The following OR51B5 variants were observed in gnomAD, a reference collection of about 807,000 sequenced individuals.
OR51B5 encodes olfactory receptor 51B5.
For missense variants in OR51B5, 456 were observed against 374.6 expected (o/e 1.22, Z -1.79); for synonymous variants, 186 against 144.8 (o/e 1.28, Z -2.04).
chr11:5,425,081 G>A (rs1216207947), intron 1 of OR51B5, among the ~76,000 whole-genome samples: 1 of 122,252 alleles, frequency 8.2e-6, no homozygotes, highest in African/African-American at 2.9e-5. Context: ...TTCTCTGCTA[G>A]AGCCTAAAAG....
At chr11:5,349,782 G>C (rs1204576002) in intron 1 of OR51B5, among the ~76,000 whole-genome samples, 1 of 152,074 alleles carries the variant, frequency 6.6e-6, no homozygotes, top group Admixed American at 6.6e-5. Flanking sequence ...TGAGGACAGA[G>C]TTGCTTTCCC....
intron 1 of OR51B5, among the ~76,000 whole-genome samples, chr11:5,376,792 A>G (rs565386306): frequency 5.3e-5 from 8 of 151,710 alleles, no homozygotes; most frequent in African/African-American, 1.9e-4. Context: ...GACCAATAAC[A>G]GGATCTGAAA....
At chr11:5,468,693 A>C (rs1261888008) in intron 1 of OR51B5, 2 of 456,560 alleles carry the variant, frequency 4.4e-6, no homozygotes, top group Non-Finnish European at 8.8e-6. Flanking sequence ...TGTGACACAC[A>C]TGTGTTGAGT....
At chr11:5,395,788 C>G (rs1378502262) in intron 1 of OR51B5, among the ~76,000 whole-genome samples, 2 of 152,182 alleles carry the variant, frequency 1.3e-5, no homozygotes, top group Non-Finnish European at 2.9e-5. Flanking sequence ...GTCCAAAAAC[C>G]TGTGCAAGAG....
chr11:5,459,041 A>G lies in OR51B5; in HGVS notation n.84+46528T>C, dbSNP rs552649734. On this transcript the variant is annotated intron_variant and non_coding_transcript_variant, in intron 1 of 4. Transcript: ENST00000415970. ...GCCTTGCTTTGTTTCAGTTCTCAAA[A>G]GGAATGCTTCTAGCTTTTGCCCATT... is the stretch of plus-strand genomic sequence containing the variant. Among the ~76,000 whole-genome samples, 103 of 152,304 alleles carry G rather than the reference A, an allele frequency of 6.8e-4. No individual in the cohort carries two copies. The South Asian group carries it at 0.02, about 30-fold the overall frequency.
At chr11:5,441,707 C>G (rs373081583) in intron 1 of OR51B5, among the ~76,000 whole-genome samples, 1 of 152,174 alleles carries the variant, frequency 6.6e-6, no homozygotes, top group East Asian at 1.9e-4. Flanking sequence ...CACCAGGGCC[C>G]TGCTCACTAT....
At chr11:5,465,796 C>T (rs1316298512) in intron 1 of OR51B5, among the ~76,000 whole-genome samples, 1 of 145,318 alleles carries the variant, frequency 6.9e-6, no homozygotes, top group African/African-American at 2.6e-5. Flanking sequence ...ACACCTTATA[C>T]AAAAATCAAT....
intron 1 of OR51B5, among the ~76,000 whole-genome samples, chr11:5,377,477 A>T (rs1378680437): frequency 6.6e-6 from 1 of 152,192 alleles, no homozygotes; most frequent in Non-Finnish European, 1.5e-5. Flanking sequence ...TAGGCAGAAG[A>T]CAGGAAAAAA....
Position 5,462,392 on chromosome 11 carries a change from G to A in OR51B5, n.84+43177C>T, listed in dbSNP as rs967377911. Among the ~76,000 whole-genome samples the A allele has an allele frequency of 3.3e-5, 5 of 152,314 alleles. No homozygotes were observed. The East Asian group carries it at 9.6e-4, about 29-fold the overall frequency. On this transcript the variant is annotated intron_variant and non_coding_transcript_variant, in intron 1 of 4. Coordinates refer to the OR51B5 transcript ENST00000415970. ...AGGGAAGAGGGGAAAGGCGAAAGGA[G>A]AACTTGGTAGAAGAGTGTATGTCCC... is the stretch of plus-strand genomic sequence containing the variant.
intron 1 of OR51B5, chr11:5,423,256 T>A: frequency 7.2e-7 from 1 of 1,382,774 alleles, no homozygotes; most frequent in Non-Finnish European, 9.5e-7. Context: ...ATCATAATAT[T>A]AAGGCAGTAT....
chr11:5,414,783 T>G lies in OR51B5; in HGVS notation n.85-67873A>C, dbSNP rs1048654874. Among the ~76,000 whole-genome samples, 14 of 152,300 alleles carry G rather than the reference T, an allele frequency of 9.2e-5. No homozygotes were observed. The East Asian group carries it at 9.6e-4, about 10-fold the overall frequency. ...CACCCAGATTCATAAACCAAGTCCTTAGTGACCTACAAAGAGATTTAGACT... is the reference window on the plus strand; with the variant it reads ...CACCCAGATTCATAAACCAAGTCCTGAGTGACCTACAAAGAGATTTAGACT... On this transcript the variant is annotated intron_variant and non_coding_transcript_variant, in intron 1 of 4. Transcript: ENST00000415970.
intron 1 of OR51B5, among the ~76,000 whole-genome samples, chr11:5,461,280 G>T (rs1007069077): frequency 6.6e-6 from 1 of 152,272 alleles, no homozygotes; most frequent in East Asian, 1.9e-4. Flanking sequence ...GAGGCGCGCC[G>T]GCGGGGAAGG....
Position 5,454,412 on chromosome 11 carries a change from C to T in OR51B5, n.84+51157G>A, listed in dbSNP as rs186002707. ...GCCGAGCCATTTTCCGCATGTTTCA[C>T]CACATCAAAATATGACTTTCACACT... On this transcript the variant is annotated intron_variant and non_coding_transcript_variant, in intron 1 of 4. Transcript: ENST00000415970. The T allele has an allele frequency of 9.8e-5, 156 of 1,590,360 alleles. No individual in the cohort carries two copies. The Middle Eastern group carries it at 2.8e-3, about 29-fold the overall frequency.
At chr11:5,454,114 T>A (rs1480127875) in intron 1 of OR51B5, 1 of 1,614,220 alleles carries the variant, frequency 6.2e-7, no homozygotes, top group Admixed American at 1.7e-5. Context: ...ACCTTTGGCA[T>A]GGACCTGTTT....
exon 1 of OR51B5, chr11:5,342,760 T>A: frequency 6.2e-7 from 1 of 1,613,650 alleles, no homozygotes; most frequent in African/African-American, 1.3e-5. Context: ...TCAGAGACAA[T>A]CCAATCACTG....
At chr11:5,376,918 C>G (rs1391998510) in intron 1 of OR51B5, among the ~76,000 whole-genome samples, 3 of 149,878 alleles carry the variant, frequency 2.0e-5, no homozygotes, top group African/African-American at 7.4e-5. Flanking sequence ...TGAAACTATT[C>G]CAATCAACAG....
At chr11:5,417,509 A>C (rs1850261579) in intron 1 of OR51B5, among the ~76,000 whole-genome samples, 1 of 150,958 alleles carries the variant, frequency 6.6e-6, no homozygotes, top group Admixed American at 6.6e-5. Flanking sequence ...AATGGGAGAA[A>C]ATTTTCACAA....
intron 1 of OR51B5, among the ~76,000 whole-genome samples, chr11:5,400,180 T>C (rs1432428693): frequency 6.6e-6 from 1 of 152,204 alleles, no homozygotes; most frequent in South Asian, 2.1e-4. Context: ...CATTTTAACA[T>C]AGCCCACAGC....
At chr11:5,489,159 G>C in intron 1 of OR51B5, 1 of 1,613,808 alleles carries the variant, frequency 6.2e-7, no homozygotes, top group Non-Finnish European at 8.5e-7. Context: ...GCTTTGTTGG[G>C]CTATTCCGTA....
Sources: allele counts gnomAD v4.1 joint callset (sites outside exome capture counted in the v4.1 genomes callset), GRCh38; gene constraint gnomAD v4.1.1; transcripts MANE v1.5; gene names NCBI Gene and HGNC (gene_info 2026-07-23, HGNC 2026-07-21).